The following RMND5A variants were observed in gnomAD, a reference collection of about 807,000 sequenced individuals.
RMND5A encodes the protein E3 ubiquitin-protein transferase RMND5A.
A neutral mutation model predicts 49.7 loss-of-function variants in RMND5A; 17 were observed. The ratio of observed to expected loss-of-function variants is 0.34; its 90% CI spans 0.23 to 0.51. RMND5A has a LOEUF of 0.51. Among genes scored for constraint, RMND5A ranks in the 20% least tolerant of loss-of-function variants. The probability of loss-of-function intolerance (pLI) is 0.96; values close to 1 mark genes in which losing one functional copy is unlikely to be tolerated. For missense variants in RMND5A, 255 were observed against 471.3 expected (o/e 0.54, Z 4.25); for synonymous variants, 156 against 167.7 (o/e 0.93, Z 0.54).
At position 86,774,581 on chromosome 2, in the gene RMND5A, A is replaced by C. The variant is rs558554001; in HGVS notation, c.*1170A>C. The C allele has an allele frequency of 6.5e-6, 1 of 152,794 alleles. No homozygotes were observed. Among genetic ancestry groups the C allele is most frequent in the East Asian group, 1.9e-4 (1 of 5,192 alleles). 9.5% of individuals were successfully genotyped at this position (152,794 alleles called of 1,614,324 possible). On this transcript the variant is annotated 3_prime_UTR_variant, in exon 9 of 9. Transcript: ENST00000283632. Reference sequence around the variant, plus strand: ...ATCTTCATTTATGCACTGTCCAAAAATAGCCATGTGTAAGAGTCTTTCTGT... The same window carrying C: ...ATCTTCATTTATGCACTGTCCAAAACTAGCCATGTGTAAGAGTCTTTCTGT...
chr2:86,746,005 C>T (rs1056492062), intron 2 of RMND5A, among the ~76,000 whole-genome samples: 1 of 152,096 alleles, frequency 6.6e-6, no homozygotes, highest in African/African-American at 2.4e-5. Flanking sequence ...GATCTTTTGC[C>T]ACTGGGTGGA....
chr2:86,769,134 G>A (rs922474363), intron 6 of RMND5A, among the ~76,000 whole-genome samples: 4 of 151,964 alleles, frequency 2.6e-5, no homozygotes, highest in South Asian at 2.1e-4. Flanking sequence ...TTGTAGAGAC[G>A]GGGGTCTCAC....
intron 1 of RMND5A, among the ~76,000 whole-genome samples, chr2:86,732,526 T>G (rs1364567401): frequency 4.1e-5 from 6 of 145,070 alleles, no homozygotes; most frequent in Non-Finnish European, 7.4e-5. Context: ...GTAAAACAAA[T>G]GTATGTACAA....
chr2:86,749,974 T>C (rs1450433361), intron 2 of RMND5A, among the ~76,000 whole-genome samples: 1 of 152,236 alleles, frequency 6.6e-6, no homozygotes, highest in Non-Finnish European at 1.5e-5. Flanking sequence ...TGCTGGTTAC[T>C]TACTACCTGT....
intron 7 of RMND5A, chr2:86,771,228 C>T (rs1167817780): frequency 2.5e-5 from 5 of 197,706 alleles, no homozygotes; most frequent in Non-Finnish European, 4.1e-5. Context: ...ATGTTGTAAG[C>T]ATCTCTGACA....
At chr2:86,750,353 C>T (rs748319837) in intron 2 of RMND5A, among the ~76,000 whole-genome samples, 2 of 152,162 alleles carry the variant, frequency 1.3e-5, no homozygotes, top group African/African-American at 4.8e-5. Flanking sequence ...CATCTTCATT[C>T]CTGAAGGATA....
Position 86,775,785 on chromosome 2 carries a change from A to G in RMND5A, c.*2374A>G, listed in dbSNP as rs1223848666. 1 of 152,160 alleles carries G rather than the reference A, an allele frequency of 6.6e-6. No homozygotes were observed. The highest frequency in any genetic ancestry group is 2.4e-5 in the African/African-American group (1 of 41,428). The allele number at this position is 152,160 out of a possible 1,614,324, so 9.4% of individuals were successfully genotyped here. On this transcript the variant is annotated 3_prime_UTR_variant, in exon 9 of 9. Transcript: ENST00000283632. ...AGTGCATGGACTTAAAATTCATGAG[A>G]GACTAAATGTGAGGGAGAGGTGGAT...
At chr2:86,760,463 T>C (rs1413197743) in intron 4 of RMND5A, among the ~76,000 whole-genome samples, 1 of 152,244 alleles carries the variant, frequency 6.6e-6, no homozygotes, top group African/African-American at 2.4e-5. Flanking sequence ...CAGATTTCAG[T>C]CACCATGATG....
chr2:86,755,682 A>G (rs932677599), intron 4 of RMND5A, among the ~76,000 whole-genome samples: 4 of 152,224 alleles, frequency 2.6e-5, no homozygotes, highest in African/African-American at 7.2e-5. Context: ...TTGTGCGTAT[A>G]TAAGATATGT....
intron 2 of RMND5A, among the ~76,000 whole-genome samples, chr2:86,745,043 C>G (rs976996395): frequency 6.6e-6 from 1 of 151,092 alleles, no homozygotes; most frequent in African/African-American, 2.4e-5. Flanking sequence ...TGTATTTGGG[C>G]TGTTCTTGAT....
intron 1 of RMND5A, among the ~76,000 whole-genome samples, chr2:86,734,100 T>TTC (rs1332714813): frequency 2.8e-5 from 4 of 141,372 alleles, no homozygotes; most frequent in African/African-American, 1.2e-4. Context: ...AGTGAACTCT[T>TTC]TCTCTCTTAA....
At chr2:86,721,154 C>T (rs926384104) in intron 1 of RMND5A, 4 of 253,068 alleles carry the variant, frequency 1.6e-5, no homozygotes, top group Non-Finnish European at 3.1e-5. Flanking sequence ...CCCAGCCGGC[C>T]CCGGGAGTCT....
At position 86,765,103 on chromosome 2, in the gene RMND5A, A is replaced by T; in HGVS notation, c.598A>T (p.Ile200Phe). 1.2e-6 allele frequency: 2 copies of T among 1,614,130 alleles called. No individual in the cohort carries two copies. Among genetic ancestry groups the T allele is most frequent in the East Asian group, 2.2e-5 (1 of 44,868 alleles). Residue 200 changes from isoleucine to phenylalanine, a missense_variant, in exon 5 of 9, where the codon ATT becomes TTT. This residue lies in a region of RMND5A where 208 missense variants were observed against 339.8 expected (regional missense o/e 0.61). Coordinates refer to ENST00000283632, the MANE Select transcript of RMND5A (RefSeq NM_022780.4). ...ATTTAAGCTACACAGACTGTATTTT[A>T]TTAGCTTGTTAATGGGTGGAACCAC... ...LEFKLHRLYFISLLMGGTTNQ... is the reference protein window; with the variant it reads ...LEFKLHRLYFFSLLMGGTTNQ...
At chr2:86,757,327 G>A (rs1025928296) in intron 4 of RMND5A, among the ~76,000 whole-genome samples, 1 of 152,066 alleles carries the variant, frequency 6.6e-6, no homozygotes, top group Non-Finnish European at 1.5e-5. Context: ...TGTGTTCCGT[G>A]CCCTTGTACC....
At chr2:86,760,965 AGTGTGTGTGTGT>A (rs35942120) in intron 4 of RMND5A, among the ~76,000 whole-genome samples, 10 of 145,326 alleles carry the variant, frequency 6.9e-5, no homozygotes, top group East Asian at 2.0e-4. Context: ...GAGAGAGAGA[AGTGTGTGTGTGT>A]GTGTGTGTGT....
Position 86,751,833 on chromosome 2 carries a change from T to C in RMND5A, c.286-63T>C, listed in dbSNP as rs1681638759. 13 of 1,524,086 alleles carry C rather than the reference T, an allele frequency of 8.5e-6. No homozygotes were observed. In the South Asian group the frequency reaches 1.5e-4, roughly 17 times the overall value. 94.4% of individuals were successfully genotyped at this position (1,524,086 alleles called of 1,614,324 possible). Reference sequence around the variant, plus strand: ...TCTCAGACTGAAACAAAGACCATTTTTTTCCTGTTAAGTGGGGTGAAAATA... The same window carrying C: ...TCTCAGACTGAAACAAAGACCATTTCTTTCCTGTTAAGTGGGGTGAAAATA... On this transcript the variant is annotated intron_variant, in intron 2 of 8. Transcript: ENST00000283632.
intron 2 of RMND5A, among the ~76,000 whole-genome samples, chr2:86,749,822 T>TGA (rs1354163129): frequency 6.6e-6 from 1 of 152,216 alleles, no homozygotes; most frequent in African/African-American, 2.4e-5. Context: ...CAAACCTTAA[T>TGA]GTATGTATTC....
chr2:86,765,469 G>A (rs891914268), intron 5 of RMND5A: 1 of 360,024 alleles, frequency 2.8e-6, no homozygotes, highest in Non-Finnish European at 5.0e-6. Flanking sequence ...CCCCCACCTG[G>A]CTGTATGCTG....
chr2:86,751,638 T>G (rs564700785), intron 2 of RMND5A, among the ~76,000 whole-genome samples: 1 of 152,330 alleles, frequency 6.6e-6, no homozygotes, highest in African/African-American at 2.4e-5. Flanking sequence ...ATCAGTTCAT[T>G]CGCTTGATTT....
Sources: allele counts gnomAD v4.1 joint callset (sites outside exome capture counted in the v4.1 genomes callset), GRCh38; gene constraint gnomAD v4.1.1; regional missense constraint gnomAD v4.1.1; transcripts MANE v1.5; gene names NCBI Gene and HGNC (gene_info 2026-07-23, HGNC 2026-07-21).